The following PTER variants were observed in gnomAD, a reference collection of about 807,000 sequenced individuals.
The protein encoded by PTER is N-acetyltaurine hydrolase.
A neutral mutation model predicts 29.6 loss-of-function variants in PTER; 38 were observed. The ratio of observed to expected loss-of-function variants is 1.28; its 90% CI spans 0.99 to 1.68. The LOEUF (loss-of-function observed/expected upper bound fraction) is 1.68, where lower values mean the gene tolerates loss of function less well. Among genes scored for constraint, PTER ranks in the 40% most tolerant of loss-of-function variants. PTER has a pLI of 0.00. For synonymous variants in PTER, 172 were observed against 154.5 expected (o/e 1.11, Z -0.84); for missense variants, 482 against 427.8 (o/e 1.13, Z -1.12).
At chr10:16,483,558 T>C (rs1835562958) in intron 1 of PTER, among the ~76,000 whole-genome samples, 1 of 152,068 alleles carries the variant, frequency 6.6e-6, no homozygotes, top group East Asian at 1.9e-4. Context: ...AGTAGAAAGA[T>C]CAGTTGTGGC....
chr10:16,507,732 C>T (rs1055187176), intron 4 of PTER, among the ~76,000 whole-genome samples: 1 of 152,240 alleles, frequency 6.6e-6, no homozygotes, highest in Non-Finnish European at 1.5e-5. Context: ...CTCAACTCTA[C>T]ATGAGCAAAT....
intron 3 of PTER, among the ~76,000 whole-genome samples, chr10:16,489,710 G>A (rs1413743610): frequency 6.6e-6 from 1 of 152,016 alleles, no homozygotes; most frequent in African/African-American, 2.4e-5. Flanking sequence ...GTAATGTTGA[G>A]TGTATTCACT....
At chr10:16,474,152 C>T (rs919631999) in intron 1 of PTER, among the ~76,000 whole-genome samples, 1 of 151,854 alleles carries the variant, frequency 6.6e-6, no homozygotes, top group African/African-American at 2.4e-5. Flanking sequence ...GGGAGTTAGA[C>T]CCTTAACAGC....
At position 16,505,009 on chromosome 10, in the gene PTER, A is replaced by G. The variant is rs952990789; in HGVS notation, c.699-11A>G. ...TTCATAATAACAGTTCATCTGTCGCATTGTTTCTAGGACTATTCTTGATAA... is the reference window on the plus strand; with the variant it reads ...TTCATAATAACAGTTCATCTGTCGCGTTGTTTCTAGGACTATTCTTGATAA... On this transcript the variant is annotated splice_polypyrimidine_tract_variant and intron_variant, in intron 3 of 4. Transcript: ENST00000535784. 6.2e-7 allele frequency: 1 copy of G among 1,613,088 alleles called. No homozygotes were observed. Among genetic ancestry groups the G allele is most frequent in the Non-Finnish European group, 8.5e-7 (1 of 1,179,616 alleles).
At position 16,453,029 on chromosome 10, in the gene PTER, C is replaced by T. The variant is rs540218561; in HGVS notation, c.-49+15982C>T. Among the ~76,000 whole-genome samples, 11 of 152,290 alleles carry T rather than the reference C, an allele frequency of 7.2e-5. No homozygotes were observed. In the South Asian group the frequency reaches 8.3e-4, roughly 11 times the overall value. ...CCTCCCAAATTACTGGGATTACAGG[C>T]GTGAGCCACTGCGTCCAGCCATTTC... On this transcript the variant is annotated intron_variant, in intron 1 of 4. Coordinates refer to ENST00000535784, the MANE Select transcript of PTER (RefSeq NM_001261836.2).
chr10:16,468,346 CA>C (rs1225382830), intron 1 of PTER, among the ~76,000 whole-genome samples: 1 of 147,238 alleles, frequency 6.8e-6, no homozygotes, highest in Non-Finnish European at 1.5e-5. Context: ...CATCTCAAAA[CA>C]AAAAACTTCC....
rs1588631966 is a variant in PTER at position 16,505,278 on chromosome 10, C to A, written c.839+118C>A. 26 of 1,288,760 alleles carry A rather than the reference C, an allele frequency of 2.0e-5. No homozygotes were observed. The East Asian group carries it at 6.1e-4, about 30-fold the overall frequency. 79.8% of individuals were successfully genotyped at this position (1,288,760 alleles called of 1,614,324 possible). On this transcript the variant is annotated intron_variant, in intron 4 of 4. Coordinates refer to ENST00000535784, the MANE Select transcript of PTER (RefSeq NM_001261836.2). ...GTAAGCAGGCCGAACCACAGACTTGCAGAGAAAAATATATCTATGCTGTTT... is the reference window on the plus strand; with the variant it reads ...GTAAGCAGGCCGAACCACAGACTTGAAGAGAAAAATATATCTATGCTGTTT...
At chr10:16,486,295 A>G (rs1835690901) in intron 2 of PTER, 57 bp from the exon 3 acceptor site, 3 of 1,453,422 alleles carry the variant, frequency 2.1e-6, no homozygotes, top group South Asian at 1.3e-5. Flanking sequence ...ACTGTGGTGG[A>G]TCTATTTTGA....
chr10:16,503,155 A>G (rs1050415417), intron 3 of PTER, among the ~76,000 whole-genome samples: 16 of 140,980 alleles, frequency 1.1e-4, no homozygotes, highest in African/African-American at 4.1e-4. Context: ...TCCTAGCCTC[A>G]AATGATCCAC....
chr10:16,458,620 G>C (rs139814721), intron 1 of PTER, among the ~76,000 whole-genome samples: 2 of 152,184 alleles, frequency 1.3e-5, no homozygotes, highest in South Asian at 4.1e-4. Context: ...AGACAGAGAC[G>C]TGCAATCCAG....
chr10:16,478,335 G>GTTTT (rs34168657), intron 1 of PTER, among the ~76,000 whole-genome samples: 20 of 140,236 alleles, frequency 1.4e-4, no homozygotes, highest in African/African-American at 5.0e-4. Context: ...CCTCGTTTCC[G>GTTTT]TTTTTTTTTT....
intron 1 of PTER, among the ~76,000 whole-genome samples, chr10:16,449,449 T>TTTTTTA (rs1834129534): frequency 6.7e-6 from 1 of 148,950 alleles, no homozygotes. Context: ...TTTTTTTTTT[T>TTTTTTA]GAGACGGAGT....
chr10:16,473,559 C>T (rs1318151577), intron 1 of PTER, among the ~76,000 whole-genome samples: 1 of 139,474 alleles, frequency 7.2e-6, no homozygotes, highest in South Asian at 2.5e-4. Flanking sequence ...AGTTAGTTCT[C>T]CTGTAAGCAT....
intron 1 of PTER, among the ~76,000 whole-genome samples, chr10:16,467,366 C>T (rs917185877): frequency 2.6e-5 from 4 of 152,002 alleles, no homozygotes; most frequent in East Asian, 1.9e-4. Flanking sequence ...GTACTATTTG[C>T]GGTTTCACAC....
At chr10:16,453,766 T>C (rs754591448) in intron 1 of PTER, among the ~76,000 whole-genome samples, 11 of 152,226 alleles carry the variant, frequency 7.2e-5, no homozygotes, top group South Asian at 2.1e-4. Flanking sequence ...GTCTGTCTGA[T>C]TTTCTACTAT....
At chr10:16,465,801 C>G (rs1354809337) in intron 1 of PTER, among the ~76,000 whole-genome samples, 2 of 151,992 alleles carry the variant, frequency 1.3e-5, no homozygotes, top group Non-Finnish European at 2.9e-5. Flanking sequence ...GCTGGGGAGG[C>G]CTCAGGAAAC....
chr10:16,508,746 A>G (rs924877282), intron 4 of PTER, among the ~76,000 whole-genome samples: 1 of 152,134 alleles, frequency 6.6e-6, no homozygotes, highest in Non-Finnish European at 1.5e-5. Context: ...TGTGTGCTTA[A>G]TCTTCCTTAA....
At chr10:16,514,432 C>A, downstream of PTER, 1 of 981,652 alleles carries the variant, frequency 1.0e-6, no homozygotes, top group East Asian at 2.4e-5. Context: ...ACTGAGGTGC[C>A]CTGCCATTGG....
chr10:16,517,214 TTTC>T (rs564198326), downstream of PTER, among the ~76,000 whole-genome samples: 49 of 152,360 alleles, frequency 3.2e-4, no homozygotes, highest in South Asian at 9.5e-3. Context: ...TCTAATATCT[TTTC>T]TTATTACAAG....
Sources: gnomAD v4.1 joint callset for allele counts (sites outside exome capture counted in the v4.1 genomes callset) on GRCh38, gnomAD v4.1.1 for gene constraint, MANE v1.5 for transcripts, NCBI Gene and HGNC (gene_info 2026-07-23, HGNC 2026-07-21) for gene names.